Variants in SCARB2 observed in about 807,000 individuals in gnomAD.
SCARB2 encodes scavenger receptor class B member 2.
A neutral mutation model predicts 58.6 loss-of-function variants in SCARB2; 29 were observed. That is an observed-to-expected ratio of 0.49 (90% CI 0.37 to 0.67). The LOEUF is 0.67. SCARB2 is among the 30% of genes least tolerant of loss of function. The pLI is 0.00. For missense variants in SCARB2, 488 were observed against 578.5 expected (o/e 0.84, Z 1.60); for synonymous variants, 195 against 210.1 (o/e 0.93, Z 0.62).
At chr4:76,180,333 G>C (rs1578723754) in intron 3 of SCARB2, 1 of 152,368 alleles carries the variant, frequency 6.6e-6, no homozygotes, top group African/African-American at 2.4e-5. Context: ...ACTCCAGCCT[G>C]GGCGACAGAG....
intron 2 of SCARB2, among the ~76,000 whole-genome samples, chr4:76,183,731 G>A (rs188562948): frequency 6.6e-6 from 1 of 152,168 alleles, no homozygotes; most frequent in Non-Finnish European, 1.5e-5. Flanking sequence ...TGGGAGGTTG[G>A]GGGGTGGGGC....
At chr4:76,213,058 TC>T (rs5859503) in intron 1 of SCARB2, 183,876 of 322,808 alleles carry the variant, frequency 0.57, 54,723 homozygotes, top group Middle Eastern at 0.67. Flanking sequence ...ACCTGCCTCT[TC>T]TGCGGTGTCT....
chr4:76,176,622 A>AGTGTTT, intron 4 of SCARB2, 94 bp from the exon 5 acceptor site: 2 of 812,512 alleles, frequency 2.5e-6, no homozygotes, highest in South Asian at 1.4e-5. Flanking sequence ...GTCAAACACT[A>AGTGTTT]GCCCAGATGG....
upstream of SCARB2, among the ~76,000 whole-genome samples, chr4:76,216,903 T>C (rs527995199): frequency 6.6e-6 from 1 of 152,330 alleles, no homozygotes; most frequent in South Asian, 2.1e-4. Context: ...CAGTCTGTGA[T>C]CCCACAGTAA....
Position 76,179,638 on chromosome 4 carries a change from T to A in SCARB2, c.491A>T (p.Gln164Leu). The A allele has an allele frequency of 6.2e-6, 10 of 1,614,138 alleles. No individual in the cohort carries two copies. In the South Asian group the frequency reaches 9.9e-5, roughly 16 times the overall value. ...EIIEAMLKAY[Q>L]QKLFVTHTVD... ...TGTGTGAGTCACAAAGAGCTTCTGC[T>A]GATAGGCTTTCAACATGGCCTCGAT... Residue 164 changes from glutamine (Q) to leucine (L), a missense_variant, in exon 4 of 12, where the codon CAG becomes CTG. Physicochemically the swap from Gln to Leu is moderately radical, Grantham distance 113. Coordinates refer to ENST00000264896, the MANE Select transcript of SCARB2 (RefSeq NM_005506.4).
chr4:76,167,952 T>G (rs1197697317), intron 9 of SCARB2, among the ~76,000 whole-genome samples: 1 of 152,156 alleles, frequency 6.6e-6, no homozygotes, highest in Admixed American at 6.5e-5. Context: ...AGTGCTGGAT[T>G]ACAGGCATGA....
upstream of SCARB2, among the ~76,000 whole-genome samples, chr4:76,218,017 TTAAATA>T (rs890451092): frequency 6.6e-6 from 1 of 152,230 alleles, no homozygotes; most frequent in Non-Finnish European, 1.5e-5. Context: ...TGTTAATGTG[TTAAATA>T]TAAACATTTA....
At chr4:76,174,121 A>T in intron 7 of SCARB2, 23 bp downstream of exon 7, 1 of 1,612,708 alleles carries the variant, frequency 6.2e-7, no homozygotes, top group Non-Finnish European at 8.5e-7. Flanking sequence ...CACCCCTATC[A>T]TGTCCCCTCT....
intron 2 of SCARB2, among the ~76,000 whole-genome samples, chr4:76,188,647 G>A (rs1452584669): frequency 6.6e-6 from 1 of 152,170 alleles, no homozygotes; most frequent in Admixed American, 6.5e-5. Flanking sequence ...GACTCAGTTG[G>A]GAGAAAACAC....
At chr4:76,234,507 C>T (rs1014409371) in exon 1 of SCARB2, 2 of 152,154 alleles carry the variant, frequency 1.3e-5, no homozygotes, top group Admixed American at 1.3e-4. Flanking sequence ...AGAATGCTTC[C>T]TGCTTTACGG....
intron 1 of SCARB2, 156 bp downstream of exon 1, chr4:76,213,271 C>T: frequency 1.4e-6 from 1 of 694,802 alleles, no homozygotes; most frequent in Non-Finnish European, 2.7e-6. Context: ...CTTCTTTAAC[C>T]CTCGCCTACC....
At chr4:76,177,960 T>C (rs1160160498) in intron 4 of SCARB2, among the ~76,000 whole-genome samples, 1 of 152,182 alleles carries the variant, frequency 6.6e-6, no homozygotes, top group South Asian at 2.1e-4. Context: ...GCAGTAATGG[T>C]TGCACAACCT....
intron 1 of SCARB2, among the ~76,000 whole-genome samples, chr4:76,234,007 C>T (rs113245390): frequency 6.6e-6 from 1 of 152,194 alleles, no homozygotes; most frequent in African/African-American, 2.4e-5. Flanking sequence ...GTTCCTTCAC[C>T]AGGGAGACAA....
At chr4:76,190,745 C>T (rs1468619295) in intron 2 of SCARB2, among the ~76,000 whole-genome samples, 1 of 152,128 alleles carries the variant, frequency 6.6e-6, no homozygotes, top group African/African-American at 2.4e-5. Flanking sequence ...GATCGCGCCA[C>T]TGCACTCCAG....
upstream of SCARB2, among the ~76,000 whole-genome samples, chr4:76,218,026 A>G (rs1008878601): frequency 6.6e-6 from 1 of 152,226 alleles, no homozygotes; most frequent in African/African-American, 2.4e-5. Context: ...GTTAAATATA[A>G]ACATTTAAAA....
chr4:76,213,420 G>C lies in SCARB2; in HGVS notation c.117+7C>G. ...CCACAACACACACACAGCCCGCCCCGCCTCACCTTCTCGATACTCTGGTCT... is the reference window on the plus strand; with the variant it reads ...CCACAACACACACACAGCCCGCCCCCCCTCACCTTCTCGATACTCTGGTCT... On this transcript the variant is annotated splice_region_variant and intron_variant, in intron 1 of 11. Coordinates refer to ENST00000264896, the MANE Select transcript of SCARB2 (RefSeq NM_005506.4). The C allele has an allele frequency of 6.3e-7, 1 of 1,590,962 alleles. No homozygotes were observed. Among genetic ancestry groups the C allele is most frequent in the Non-Finnish European group, 8.6e-7 (1 of 1,161,644 alleles).
chr4:76,228,258 T>A (rs1363630226), intron 1 of SCARB2, among the ~76,000 whole-genome samples: 1 of 152,008 alleles, frequency 6.6e-6, no homozygotes, highest in Non-Finnish European at 1.5e-5. Flanking sequence ...GGGGTGCAGA[T>A]CATTTGAGAT....
At chr4:76,208,686 C>T (rs1324275120) in intron 1 of SCARB2, among the ~76,000 whole-genome samples, 3 of 152,124 alleles carry the variant, frequency 2.0e-5, no homozygotes, top group East Asian at 1.9e-4. Flanking sequence ...CTTACTGTGC[C>T]GTGGTTCTTG....
At chr4:76,230,093 CAA>C (rs1362535127) in intron 1 of SCARB2, among the ~76,000 whole-genome samples, 18 of 152,160 alleles carry the variant, frequency 1.2e-4, no homozygotes, top group African/African-American at 4.3e-4. Context: ...ATGAAGCTCC[CAA>C]AAGTTTATGT....
Sources: gnomAD v4.1 joint callset for allele counts (sites outside exome capture counted in the v4.1 genomes callset) on GRCh38, gnomAD v4.1.1 for gene constraint, MANE v1.5 for transcripts, NCBI Gene and HGNC (gene_info 2026-07-23, HGNC 2026-07-21) for gene names.